Variants in SYT1 observed in about 807,000 individuals in gnomAD.
The protein encoded by SYT1 is synaptotagmin 1.
A neutral mutation model predicts 44.8 loss-of-function variants in SYT1; 8 were observed. The ratio of observed to expected loss-of-function variants is 0.18; its 90% CI spans 0.10 to 0.32. The LOEUF is 0.32. SYT1 is among the 10% of genes least tolerant of loss of function. SYT1 has a pLI of 1.00. For synonymous variants in SYT1, 154 were observed against 188.8 expected (o/e 0.82, Z 1.51); for missense variants, 286 against 509.3 (o/e 0.56, Z 4.22).
Position 79,225,234 on chromosome 12 carries a change from A to G in SYT1, c.166+7549A>G, listed in dbSNP as rs143414811. Among the ~76,000 whole-genome samples, 51 of 152,282 alleles carry G rather than the reference A, an allele frequency of 3.3e-4. No homozygotes were observed. In the East Asian group the frequency reaches 9.3e-3, roughly 28 times the overall value. On this transcript the variant is annotated intron_variant, in intron 4 of 10. Coordinates refer to ENST00000261205, the MANE Select transcript of SYT1 (RefSeq NM_005639.3). ...TATAAGAGAATTATTCTATAAGGACACTGAAAAACTAAATGAAGCATACAA... is the reference window on the plus strand; with the variant it reads ...TATAAGAGAATTATTCTATAAGGACGCTGAAAAACTAAATGAAGCATACAA...
chr12:79,082,552 T>G (rs1308876144), intron 3 of SYT1, among the ~76,000 whole-genome samples: 1 of 152,158 alleles, frequency 6.6e-6, no homozygotes, highest in Non-Finnish European at 1.5e-5. Context: ...TACATAAACA[T>G]ATACCTTATA....
chr12:78,983,486 G>T (rs893298590), intron 2 of SYT1, among the ~76,000 whole-genome samples: 8 of 151,988 alleles, frequency 5.3e-5, no homozygotes, highest in African/African-American at 1.7e-4. Context: ...TATCTGTCAA[G>T]AACTTATTCC....
chr12:79,005,444 T>C (rs1871013334), intron 2 of SYT1, among the ~76,000 whole-genome samples: 1 of 152,064 alleles, frequency 6.6e-6, no homozygotes, highest in African/African-American at 2.4e-5. Flanking sequence ...TTCACTCATC[T>C]ACAGTTTCCT....
chr12:79,318,907 T>G (rs7316281), intron 8 of SYT1, among the ~76,000 whole-genome samples: 1,608 of 152,332 alleles, frequency 0.011, 31 homozygotes, highest in African/African-American at 0.036. Context: ...TTTTATTTTA[T>G]AACGTATTTT....
intron 3 of SYT1, among the ~76,000 whole-genome samples, chr12:79,156,658 A>G (rs910480587): frequency 1.3e-5 from 2 of 152,096 alleles, no homozygotes; most frequent in Admixed American, 6.6e-5. Context: ...TAGTAGAGAC[A>G]GGGTTTCACC....
chr12:78,946,555 T>G (rs1878667258), intron 1 of SYT1, among the ~76,000 whole-genome samples: 1 of 151,890 alleles, frequency 6.6e-6, no homozygotes. Flanking sequence ...CTCAGGAGGC[T>G]GAGGCAGGAT....
At chr12:79,384,208 G>A (rs934895320) in intron 9 of SYT1, among the ~76,000 whole-genome samples, 1 of 152,104 alleles carries the variant, frequency 6.6e-6, no homozygotes, top group African/African-American at 2.4e-5. Flanking sequence ...ATATCCAGCA[G>A]ATTCAAGTAT....
intron 4 of SYT1, among the ~76,000 whole-genome samples, chr12:79,232,170 G>GT (rs746550238): frequency 1.2e-4 from 19 of 152,258 alleles, no homozygotes; most frequent in Admixed American, 1.0e-3. Flanking sequence ...GAATATAATG[G>GT]TCACATTCAA....
At chr12:78,947,874 A>G (rs1878755323) in intron 1 of SYT1, among the ~76,000 whole-genome samples, 1 of 151,950 alleles carries the variant, frequency 6.6e-6, no homozygotes, top group South Asian at 2.1e-4. Context: ...AGTCTTTTAT[A>G]TAAACCAATC....
At chr12:79,284,951 T>C (rs1466359955) in intron 4 of SYT1, among the ~76,000 whole-genome samples, 3 of 152,004 alleles carry the variant, frequency 2.0e-5, no homozygotes, top group African/African-American at 7.3e-5. Context: ...CCAGATGAAA[T>C]GGGTACCACT....
intron 4 of SYT1, among the ~76,000 whole-genome samples, chr12:79,220,854 A>T (rs370049216): frequency 6.6e-6 from 1 of 152,230 alleles, no homozygotes. Flanking sequence ...CTCACATACG[A>T]TCTATTCTGA....
intron 2 of SYT1, among the ~76,000 whole-genome samples, chr12:78,996,360 C>T (rs962006417): frequency 6.6e-6 from 1 of 152,128 alleles, no homozygotes; most frequent in Admixed American, 6.6e-5. Flanking sequence ...GGGTTGGTTT[C>T]AGGATTTTAT....
At chr12:78,910,557 G>C (rs1449737850) in intron 1 of SYT1, among the ~76,000 whole-genome samples, 1 of 151,988 alleles carries the variant, frequency 6.6e-6, no homozygotes, top group Non-Finnish European at 1.5e-5. Context: ...TTCAATTGGT[G>C]TATATTGATT....
At chr12:79,331,572 A>G (rs570727209) in intron 8 of SYT1, among the ~76,000 whole-genome samples, 2 of 152,272 alleles carry the variant, frequency 1.3e-5, no homozygotes, top group Non-Finnish European at 2.9e-5. Flanking sequence ...CCAAGAATTA[A>G]TATGCATTTT....
intron 4 of SYT1, among the ~76,000 whole-genome samples, chr12:79,279,747 T>C (rs1049067932): frequency 2.0e-5 from 3 of 151,898 alleles, no homozygotes; most frequent in Non-Finnish European, 4.4e-5. Context: ...AATGTATACA[T>C]AGAAAACCCC....
chr12:79,267,792 CTG>C (rs1459561294), intron 4 of SYT1, among the ~76,000 whole-genome samples: 1 of 152,144 alleles, frequency 6.6e-6, no homozygotes, highest in African/African-American at 2.4e-5. Context: ...CCTGGGCTGA[CTG>C]TGGAGGCTTA....
At chr12:78,941,065 C>CTTTTTTTTTTTTTTTTTTTTTTT (rs398044555) in intron 1 of SYT1, among the ~76,000 whole-genome samples, 2 of 68,442 alleles carry the variant, frequency 2.9e-5, no homozygotes, top group Non-Finnish European at 5.9e-5. Context: ...CTTTTTTTTT[C>CTTTTTTTTTTTTTTTTTTTTTTT]TTTTTTTTTT....
At chr12:79,013,879 G>A (rs926132049) in intron 2 of SYT1, among the ~76,000 whole-genome samples, 10 of 152,028 alleles carry the variant, frequency 6.6e-5, no homozygotes, top group Non-Finnish European at 1.3e-4. Flanking sequence ...TGTAATCCCA[G>A]CACTTTAGGA....
intron 9 of SYT1, among the ~76,000 whole-genome samples, chr12:79,375,440 G>A (rs940696457): frequency 6.6e-6 from 1 of 152,180 alleles, no homozygotes; most frequent in Non-Finnish European, 1.5e-5. Flanking sequence ...CAGGAAAGTT[G>A]AACTTTATGT....
Sources: gnomAD v4.1 joint callset for allele counts (sites outside exome capture counted in the v4.1 genomes callset) on GRCh38, gnomAD v4.1.1 for gene constraint, MANE v1.5 for transcripts, NCBI Gene and HGNC (gene_info 2026-07-23, HGNC 2026-07-21) for gene names.